The following DHRS7 variants were observed in gnomAD, a reference collection of about 807,000 sequenced individuals.
The protein encoded by DHRS7 is dehydrogenase/reductase 7.
Under a neutral mutation model 38.9 loss-of-function variants are expected in DHRS7, and 34 were observed. The ratio of observed to expected loss-of-function variants is 0.87; its 90% confidence interval spans 0.66 to 1.16. The LOEUF is 1.16. Ranked by LOEUF, DHRS7 falls within the 50% of genes most tolerant of loss-of-function variation. The pLI, the probability that DHRS7 is intolerant of heterozygous loss-of-function variation, is 0.00. For synonymous variants in DHRS7, 158 were observed against 153.1 expected, an observed-to-expected ratio of 1.03 and a Z score of -0.24; for missense variants, 421 against 407.0, an observed-to-expected ratio of 1.03 and a Z score of -0.30.
In DHRS7 at chr14:60,153,293, T is replaced by C; in HGVS notation, c.394-115A>G. Reference sequence around the variant, plus strand: ...ACTTAAAGAATCAATGGAACAATGGTATATTTCCAGAAGTCAGCAATTAAA... The same window carrying C: ...ACTTAAAGAATCAATGGAACAATGGCATATTTCCAGAAGTCAGCAATTAAA... On this transcript the variant is annotated intron_variant, in intron 3 of 6. Transcript: ENST00000557185. This position sits in a 1 kb window ranked among gnomAD's most constrained non-coding sequence, Gnocchi z 4.4. The C allele has an allele frequency of 8.2e-7, 1 of 1,215,138 alleles. No homozygotes were observed. Among genetic ancestry groups the C allele is most frequent in the East Asian group, 2.5e-5 (1 of 40,034 alleles). The allele number at this position is 1,215,138 out of a possible 1,614,324, so 75.3% of individuals were successfully genotyped here.
chr14:60,159,484 T>C (rs568486895), intron 1 of DHRS7, among the ~76,000 whole-genome samples: 3 of 152,248 alleles, frequency 2.0e-5, no homozygotes, highest in Admixed American at 2.0e-4. Flanking sequence ...AACAGGAAAC[T>C]TCCATAAGTT....
chr14:60,167,074 A>G (rs1174855258), upstream of DHRS7, among the ~76,000 whole-genome samples: 1 of 152,248 alleles, frequency 6.6e-6, no homozygotes, highest in Non-Finnish European at 1.5e-5. Context: ...GGGTGCCTAT[A>G]GTCAATAATA....
At position 60,153,179 on chromosome 14, in the gene DHRS7, C is replaced by T; in HGVS notation, c.394-1G>A. The stretch of plus-strand genomic sequence containing the variant: ...CACCATTGTTGACCAGAATGTCGAT[C>T]TAGTTAAATAAAATCAGAAAAGGGG... On this transcript the variant is annotated splice_acceptor_variant, in intron 3 of 6. Coordinates refer to ENST00000557185, the MANE Select transcript of DHRS7 (RefSeq NM_016029.4). LOFTEE classifies it high-confidence loss of function. This position sits in a 1 kb window ranked among gnomAD's most constrained non-coding sequence, Gnocchi z 4.4. The T allele has an allele frequency of 6.2e-7, 1 of 1,613,798 alleles. No individual in the cohort carries two copies. Among genetic ancestry groups the T allele is most frequent in the Non-Finnish European group, 8.5e-7 (1 of 1,179,946 alleles).
chr14:60,169,465 C>T (rs1896907313), upstream of DHRS7, among the ~76,000 whole-genome samples: 1 of 152,228 alleles, frequency 6.6e-6, no homozygotes, highest in Non-Finnish European at 1.5e-5. Flanking sequence ...CTCTTGCTCT[C>T]TCTTGTTTAT....
upstream of DHRS7, among the ~76,000 whole-genome samples, chr14:60,167,046 G>C (rs1407837825): frequency 2.6e-5 from 4 of 152,106 alleles, no homozygotes; most frequent in Non-Finnish European, 5.9e-5. Context: ...ATAAGACCTA[G>C]TATTTGATAG....
intron 4 of DHRS7, among the ~76,000 whole-genome samples, chr14:60,151,929 G>A (rs564509102): frequency 6.6e-6 from 1 of 152,294 alleles, no homozygotes; most frequent in South Asian, 2.1e-4. Context: ...ATGGGTGGCC[G>A]CCCTCCCTCA....
chr14:60,149,219 T>G, intron 6 of DHRS7, 134 bp downstream of exon 6: 1 of 790,266 alleles, frequency 1.3e-6, no homozygotes, highest in Non-Finnish European at 2.1e-6. Flanking sequence ...GTGATCTGCC[T>G]TGGCCTCCCA....
At chr14:60,167,781 T>A (rs866323372), upstream of DHRS7, among the ~76,000 whole-genome samples, 17 of 152,186 alleles carry the variant, frequency 1.1e-4, no homozygotes, top group Middle Eastern at 3.2e-3. Flanking sequence ...TTGAGGATGT[T>A]TTCACATCCC....
chr14:60,168,609 C>A (rs1896895242), upstream of DHRS7: 1 of 1,449,010 alleles, frequency 6.9e-7, no homozygotes. Flanking sequence ...GGTTAAATTT[C>A]TTAAAATATG....
At position 60,161,079 on chromosome 14, in the gene DHRS7, G is replaced by A. The variant is rs1429845017; in HGVS notation, c.133+4098C>T. On this transcript the variant is annotated intron_variant, in intron 1 of 6. Transcript: ENST00000557185. The surrounding 1 kb of genome is among the most constrained non-coding windows in gnomAD (Gnocchi z 4.2). ...AATCTTGCTCAGTTTTATCCTGCTT[G>A]TTCTCCCAGAATTTTTTGTAAACTC... is the stretch of plus-strand genomic sequence containing the variant. Among the ~76,000 whole-genome samples the A allele has an allele frequency of 6.6e-6, 1 of 152,166 alleles. No individual in the cohort carries two copies. The highest frequency in any genetic ancestry group is 1.5e-5 in the Non-Finnish European group (1 of 68,018).
chr14:60,166,381 A>G (rs1008444438), upstream of DHRS7: 15 of 450,960 alleles, frequency 3.3e-5, no homozygotes, highest in Non-Finnish European at 4.4e-5. Context: ...TAGAACTTTC[A>G]TCCTCTTCAT....
chr14:60,150,707 A>C (rs1479742220), intron 4 of DHRS7, among the ~76,000 whole-genome samples: 3 of 152,220 alleles, frequency 2.0e-5, no homozygotes, highest in Non-Finnish European at 4.4e-5. Context: ...TTCTTAATCC[A>C]GTCCATCATT....
intron 1 of DHRS7, among the ~76,000 whole-genome samples, chr14:60,164,034 A>C (rs1896815130): frequency 6.6e-6 from 1 of 152,162 alleles, no homozygotes; most frequent in Admixed American, 6.5e-5. Context: ...TGTGGCGTCC[A>C]TGTTGTGTAT....
intron 5 of DHRS7, among the ~76,000 whole-genome samples, 158 bp from the exon 6 acceptor site, chr14:60,149,726 T>G (rs1164930780): frequency 6.6e-6 from 1 of 152,008 alleles, no homozygotes; most frequent in East Asian, 1.9e-4. Flanking sequence ...ATAAACTATT[T>G]GTAATATTTC....
At chr14:60,164,263 G>GC (rs143150224) in intron 1 of DHRS7, among the ~76,000 whole-genome samples, 22,150 of 112,842 alleles carry the variant, frequency 0.2, 2,382 homozygotes, top group Middle Eastern at 0.36. Context: ...AACCCATAAC[G>GC]CCCCCCCCAA....
Position 60,146,237 on chromosome 14 carries a change from A to G in DHRS7, c.973-1224T>C, listed in dbSNP as rs1896403169. On this transcript the variant is annotated intron_variant, in intron 6 of 6. Coordinates refer to ENST00000557185, the MANE Select transcript of DHRS7 (RefSeq NM_016029.4). The surrounding 1 kb of genome is among the most constrained non-coding windows in gnomAD (Gnocchi z 4.9). ...TTTTTTTAGAAAAACCTAGATGTAA[A>G]AAAAATGCGAGATTTGCTAAATGAT... is the stretch of plus-strand genomic sequence containing the variant. 6.6e-6 allele frequency: 1 copy of G among 152,016 alleles called. No individual in the cohort carries two copies. The allele number at this position is 152,016 out of a possible 1,614,324, so 9.4% of individuals were successfully genotyped here.
At chr14:60,157,069 G>A (rs961096121) in intron 1 of DHRS7, among the ~76,000 whole-genome samples, 8 of 152,190 alleles carry the variant, frequency 5.3e-5, no homozygotes, top group African/African-American at 1.9e-4. Context: ...ATCAAATATC[G>A]TATCACTTAA....
At chr14:60,169,087 A>G (rs1284251394), upstream of DHRS7, 1 of 163,780 alleles carries the variant, frequency 6.1e-6, no homozygotes, top group Non-Finnish European at 1.3e-5. Context: ...TGGGCAACAG[A>G]GCAAGACCCT....
intron 4 of DHRS7, 116 bp downstream of exon 4, chr14:60,152,823 G>GGTCTCTCT (rs1365354659): frequency 8.3e-7 from 1 of 1,204,446 alleles, no homozygotes; most frequent in Non-Finnish European, 1.2e-6. Context: ...AGTCTCCTTG[G>GGTCTCTCT]GTCTCTCTGT....
Sources: allele counts gnomAD v4.1 joint callset (sites outside exome capture counted in the v4.1 genomes callset), GRCh38; gene constraint gnomAD v4.1.1; non-coding constraint Gnocchi (gnomAD v3.1); transcripts MANE v1.5; gene names NCBI Gene and HGNC (gene_info 2026-07-23, HGNC 2026-07-21).